Variants in NXPE2 observed in about 807,000 individuals in gnomAD.
NXPE2 encodes the protein NXPE family member 2.
A neutral mutation model predicts 34.4 loss-of-function variants in NXPE2; 34 were observed. That is an observed-to-expected ratio of 0.99 (90% CI 0.75 to 1.31). NXPE2 has a LOEUF of 1.31. NXPE2 is among the 40% of genes most tolerant of loss of function. The pLI, the probability that NXPE2 is intolerant of heterozygous loss-of-function variation, is 0.00. For missense variants in NXPE2, 649 were observed against 672.5 expected (o/e 0.97, Z 0.39); for synonymous variants, 235 against 231.3 (o/e 1.02, Z -0.15).
At position 114,696,356 on chromosome 11, in the gene NXPE2, A is replaced by G. The variant is rs868663970; in HGVS notation, c.133-1689A>G. On this transcript the variant is annotated intron_variant, in intron 2 of 5. Transcript: ENST00000389586. The stretch of plus-strand genomic sequence containing the variant: ...CAAAAAAACCAAAAAAAAAAAAAAA[A>G]AAAGAAAGAAAAGAAAAGAAACCAA... Among the ~76,000 whole-genome samples the G allele has an allele frequency of 1.6e-4, 23 of 143,252 alleles. No individual in the cohort carries two copies. The South Asian group carries it at 2.0e-3, about 13-fold the overall frequency. The allele number at this position is 143,252 out of a possible 152,430, so 94.0% of individuals were successfully genotyped here. A position where few individuals can be genotyped will look rare whatever the true frequency, so the allele number is the denominator to read the frequency against.
chr11:114,795,618 G>C, the NXPE2 span, among the ~76,000 whole-genome samples: 2 of 152,128 alleles, frequency 1.3e-5, no homozygotes, highest in South Asian at 4.1e-4. Flanking sequence ...CACCCTGCCA[G>C]GACATGAGTT....
the NXPE2 span, among the ~76,000 whole-genome samples, chr11:114,620,609 G>A: frequency 4.7e-5 from 7 of 150,020 alleles, no homozygotes; most frequent in African/African-American, 7.4e-5. Context: ...CCACTGTTAC[G>A]CGGTGGATAA....
chr11:114,605,193 C>G, the NXPE2 span, among the ~76,000 whole-genome samples: 1 of 151,844 alleles, frequency 6.6e-6, no homozygotes. Context: ...CCACTCTTAC[C>G]CAGTGGATAA....
chr11:114,716,421 A>G, the NXPE2 span, among the ~76,000 whole-genome samples: 26 of 152,206 alleles, frequency 1.7e-4, no homozygotes, highest in Non-Finnish European at 8.8e-5. Flanking sequence ...GGGATGAGGC[A>G]TGAAATAAAA....
the NXPE2 span, among the ~76,000 whole-genome samples, chr11:114,506,121 A>T: frequency 6.6e-6 from 1 of 151,930 alleles, no homozygotes; most frequent in East Asian, 1.9e-4. Context: ...TTAAAAAAAA[A>T]AAAAAAAAAG....
At chr11:114,762,792 C>G in the NXPE2 span, among the ~76,000 whole-genome samples, 1 of 152,192 alleles carries the variant, frequency 6.6e-6, no homozygotes, top group African/African-American at 2.4e-5. Context: ...TTCTCCTCTG[C>G]CTCAACAAAT....
the NXPE2 span, among the ~76,000 whole-genome samples, chr11:114,585,472 G>T: frequency 5.9e-5 from 9 of 151,966 alleles, no homozygotes; most frequent in Non-Finnish European, 1.0e-4. Context: ...AAGAGAGCAG[G>T]AGTCACTATG....
the NXPE2 span, among the ~76,000 whole-genome samples, chr11:114,724,270 C>T: frequency 3.3e-5 from 5 of 152,142 alleles, no homozygotes; most frequent in Admixed American, 3.3e-4. Flanking sequence ...CTGCTGCTAT[C>T]ACAGTGACGT....
At chr11:114,594,550 A>T in the NXPE2 span, 1 of 704,780 alleles carries the variant, frequency 1.4e-6, no homozygotes, top group Non-Finnish European at 2.5e-6. Context: ...GTATCTAGCT[A>T]TTCAAACTCC....
At chr11:114,674,123 AAAC>A (rs757803073), upstream of NXPE2, among the ~76,000 whole-genome samples, 2,529 of 65,470 alleles carry the variant, frequency 0.039, 38 homozygotes, top group East Asian at 0.15. Flanking sequence ...ACAAACAAAC[AAAC>A]AAGTGAACAA....
At chr11:114,806,776 T>A in the NXPE2 span, among the ~76,000 whole-genome samples, 3 of 151,926 alleles carry the variant, frequency 2.0e-5, no homozygotes, top group East Asian at 5.8e-4. Flanking sequence ...TGCAGGATAT[T>A]ATCCAGGAGA....
At chr11:114,537,295 C>T in the NXPE2 span, among the ~76,000 whole-genome samples, 14 of 152,272 alleles carry the variant, frequency 9.2e-5, no homozygotes, top group African/African-American at 3.4e-4. Flanking sequence ...ATAATAAGAG[C>T]TATCTATGAC....
At chr11:114,757,067 G>A in the NXPE2 span, among the ~76,000 whole-genome samples, 14 of 152,134 alleles carry the variant, frequency 9.2e-5, no homozygotes, top group South Asian at 2.1e-4. Context: ...AAGTCTCAGC[G>A]TTCTTCTCAA....
At chr11:114,798,088 CTTAT>C in the NXPE2 span, among the ~76,000 whole-genome samples, 1 of 152,152 alleles carries the variant, frequency 6.6e-6, no homozygotes, top group Admixed American at 6.5e-5. Context: ...TTATATTTCC[CTTAT>C]TTATATATAT....
At chr11:114,656,254 A>G in the NXPE2 span, among the ~76,000 whole-genome samples, 1 of 152,154 alleles carries the variant, frequency 6.6e-6, no homozygotes, top group African/African-American at 2.4e-5. Flanking sequence ...GGAGAACTAC[A>G]AGCCACTACT....
the NXPE2 span, among the ~76,000 whole-genome samples, chr11:114,543,514 C>T: frequency 9.2e-6 from 1 of 108,440 alleles, no homozygotes; most frequent in Non-Finnish European, 1.8e-5. Flanking sequence ...GAGTGAGACC[C>T]TGTTTAAAAA....
chr11:114,802,092 T>C, the NXPE2 span, among the ~76,000 whole-genome samples: 1 of 152,160 alleles, frequency 6.6e-6, no homozygotes, highest in African/African-American at 2.4e-5. Context: ...ACCTTGGGGA[T>C]GCCAAGATTT....
chr11:114,641,626 A>T, the NXPE2 span, among the ~76,000 whole-genome samples: 1 of 152,024 alleles, frequency 6.6e-6, no homozygotes, highest in Non-Finnish European at 1.5e-5. Flanking sequence ...GTAAACCTGG[A>T]AAAAGTAGAA....
At chr11:114,506,168 A>G in the NXPE2 span, among the ~76,000 whole-genome samples, 1 of 152,114 alleles carries the variant, frequency 6.6e-6, no homozygotes, top group Admixed American at 6.6e-5. Context: ...GTTCAATTCA[A>G]CAAGAAGATC....
Sources: gnomAD v4.1 joint callset for allele counts (sites outside exome capture counted in the v4.1 genomes callset) on GRCh38, gnomAD v4.1.1 for gene constraint, MANE v1.5 for transcripts, NCBI Gene and HGNC (gene_info 2026-07-23, HGNC 2026-07-21) for gene names.